BFSP2: variants seen among roughly 807,000 people sequenced by gnomAD.
BFSP2 encodes the protein beaded filament structural protein 2, also known as phakinin.
A neutral mutation model predicts 44.9 loss-of-function variants in BFSP2; 38 were observed. That is an observed-to-expected ratio of 0.85 (90% CI 0.65 to 1.11). BFSP2 has a LOEUF of 1.11. Ranked by LOEUF, BFSP2 falls within the 50% of genes least tolerant of loss-of-function variation. The pLI, the probability that BFSP2 is intolerant of heterozygous loss-of-function variation, is 0.00. For synonymous variants in BFSP2, 197 were observed against 209.9 expected (o/e 0.94, Z 0.53); for missense variants, 525 against 533.0 (o/e 0.99, Z 0.15).
Position 133,448,628 on chromosome 3 carries a change from T to A in BFSP2, c.712T>A (p.Ser238Thr), listed in dbSNP as rs747906000. ...ESLKEELGSL[S>T]RNYEEDVKLL... Reference sequence around the variant, plus strand: ...TCTGAAAGAAGAACTTGGCTCTCTATCAAGAAACTATGAAGAGGTAGGAGG... The same window carrying A: ...TCTGAAAGAAGAACTTGGCTCTCTAACAAGAAACTATGAAGAGGTAGGAGG... The change falls in exon 3 of 7, where the codon TCA (serine) becomes ACA (threonine). Residue 238 changes from serine to threonine, a missense_variant. Physicochemically the swap from Ser to Thr is moderately conservative, Grantham distance 58 (BLOSUM62 1). Coordinates refer to ENST00000302334, the MANE Select transcript of BFSP2 (RefSeq NM_003571.4). The A allele has an allele frequency of 6.2e-7, 1 of 1,613,536 alleles. No homozygotes were observed. The highest frequency in any genetic ancestry group is 2.2e-5 in the East Asian group (1 of 44,870).
chr3:133,437,336 C>T (rs889287467), intron 1 of BFSP2, among the ~76,000 whole-genome samples: 5 of 152,094 alleles, frequency 3.3e-5, no homozygotes, highest in African/African-American at 7.2e-5. Flanking sequence ...CCAGCCTGAC[C>T]GACATGGAGA....
chr3:133,423,458 T>G (rs1021107536), intron 1 of BFSP2, among the ~76,000 whole-genome samples: 2 of 151,172 alleles, frequency 1.3e-5, no homozygotes, highest in East Asian at 3.9e-4. Context: ...TCATTTATAG[T>G]ACTTAAAACA....
At chr3:133,417,521 G>A (rs1180990244) in intron 1 of BFSP2, among the ~76,000 whole-genome samples, 8 of 11,992 alleles carry the variant, frequency 6.7e-4, no homozygotes, top group Admixed American at 2.7e-3. Context: ...CCCTTCCCTC[G>A]CTCCCATCTC....
chr3:133,446,612 ATATATATATATATATATATATATATAT>A (rs2073902517), intron 1 of BFSP2, among the ~76,000 whole-genome samples: 2 of 47,646 alleles, frequency 4.2e-5, no homozygotes, highest in African/African-American at 2.1e-4. Flanking sequence ...ATATATATAT[ATATATATATATATATATATATATATAT>A]AAAGGAGTTT....
At chr3:133,426,456 C>T (rs2073655272) in intron 1 of BFSP2, among the ~76,000 whole-genome samples, 1 of 152,184 alleles carries the variant, frequency 6.6e-6, no homozygotes, top group African/African-American at 2.4e-5. Flanking sequence ...AAGAAAGCTC[C>T]CTTATCCCTT....
intron 1 of BFSP2, among the ~76,000 whole-genome samples, chr3:133,429,054 G>T (rs2107902447): frequency 6.6e-6 from 1 of 152,066 alleles, no homozygotes; most frequent in South Asian, 2.1e-4. Context: ...TGAAATCAAA[G>T]ATTTTAGATA....
Position 133,456,691 on chromosome 3 carries a change from C to A in BFSP2, c.891+6227C>A, listed in dbSNP as rs556730581. ...ACCTGAGCCTAGGAGGTCGAGGTTG[C>A]AGTGAGCTCTGATCGCACCACTGCA... On this transcript the variant is annotated intron_variant, in intron 4 of 6. Transcript: ENST00000302334. Among the ~76,000 whole-genome samples the A allele has an allele frequency of 7.9e-5, 12 of 152,302 alleles. No individual in the cohort carries two copies. The East Asian group carries it at 2.1e-3, about 27-fold the overall frequency.
intron 1 of BFSP2, among the ~76,000 whole-genome samples, chr3:133,425,779 GA>G (rs1406394757): frequency 8.0e-4 from 27 of 33,598 alleles, no homozygotes; most frequent in African/African-American, 4.5e-3. Context: ...AAGGGAAAGG[GA>G]AAGGGAAGGG....
At chr3:133,432,713 T>C (rs985403598) in intron 1 of BFSP2, among the ~76,000 whole-genome samples, 2 of 152,180 alleles carry the variant, frequency 1.3e-5, no homozygotes, top group Admixed American at 1.3e-4. Context: ...GTTACCTACC[T>C]CGGCATAATT....
chr3:133,442,518 GC>G (rs1300914374), intron 1 of BFSP2, among the ~76,000 whole-genome samples: 5 of 152,156 alleles, frequency 3.3e-5, no homozygotes, highest in Non-Finnish European at 7.3e-5. Context: ...AGTTTAAAAA[GC>G]CCACTCTGGA....
intron 1 of BFSP2, among the ~76,000 whole-genome samples, chr3:133,421,511 A>G (rs1038523618): frequency 1.3e-5 from 2 of 151,878 alleles, no homozygotes; most frequent in Admixed American, 6.5e-5. Flanking sequence ...TCCTCTTTTC[A>G]TAAGGATGCC....
At chr3:133,424,234 T>TGTGTGTGTGTGTGTGTGTGTGTG (rs2073623034) in intron 1 of BFSP2, among the ~76,000 whole-genome samples, 1 of 145,268 alleles carries the variant, frequency 6.9e-6, no homozygotes, top group Non-Finnish European at 1.5e-5. Flanking sequence ...TTTTTTTTTT[T>TGTGTGTGTGTGTGTGTGTGTGTG]TTTTTTTGTA....
At chr3:133,426,817 C>T (rs2073658142) in intron 1 of BFSP2, among the ~76,000 whole-genome samples, 1 of 152,212 alleles carries the variant, frequency 6.6e-6, no homozygotes, top group Non-Finnish European at 1.5e-5. Flanking sequence ...CCCTGACACC[C>T]TACGTGATAT....
At chr3:133,432,955 C>A (rs113802485) in intron 1 of BFSP2, among the ~76,000 whole-genome samples, 2 of 152,154 alleles carry the variant, frequency 1.3e-5, no homozygotes, top group South Asian at 2.1e-4. Flanking sequence ...TGCTTTAATA[C>A]TTTTAGAGGC....
At position 133,447,376 on chromosome 3, in the gene BFSP2, C is replaced by A. The variant is rs775010322; in HGVS notation, c.549C>A (p.Ala183=). The A allele has an allele frequency of 3.1e-6, 5 of 1,613,918 alleles. No individual in the cohort carries two copies. The South Asian group carries it at 4.4e-5, about 14-fold the overall frequency. Residue 183 remains alanine (A), a synonymous_variant, in exon 2 of 7, where the codon GCC becomes GCA. Coordinates refer to ENST00000302334, the MANE Select transcript of BFSP2 (RefSeq NM_003571.4). The stretch of plus-strand genomic sequence containing the variant: ...TGCTGCAGACAGAAACTATCCAGGC[C>A]GGAGCAGATGACTTTAAAGAGAGGT... The part of the protein sequence containing the change: ...RLMLQTETIQ[A]GADDFKERYE...
chr3:133,431,607 G>T (rs551395338), intron 1 of BFSP2, among the ~76,000 whole-genome samples: 6 of 152,160 alleles, frequency 3.9e-5, no homozygotes, highest in African/African-American at 7.2e-5. Context: ...GATGCTGCCC[G>T]ATCGCCTCAG....
intron 1 of BFSP2, among the ~76,000 whole-genome samples, chr3:133,430,868 C>A (rs1308670401): frequency 2.0e-5 from 3 of 152,042 alleles, no homozygotes; most frequent in Non-Finnish European, 4.4e-5. Context: ...CACCCTGGTC[C>A]GCTCCTTTTA....
At position 133,453,788 on chromosome 3, in the gene BFSP2, C is replaced by T. The variant is rs115145463; in HGVS notation, c.891+3324C>T. On this transcript the variant is annotated intron_variant, in intron 4 of 6. Coordinates refer to ENST00000302334, the MANE Select transcript of BFSP2 (RefSeq NM_003571.4). ...GCCTAAGGGATAAAGGTGGTACCAT[C>T]AGCATCTGCTAGAACTTATCTGCCA... Among the ~76,000 whole-genome samples the T allele has an allele frequency of 6.7e-3, 1,021 of 152,304 alleles. 13 individuals are homozygous for T. The highest frequency in any genetic ancestry group is 0.023 in the African/African-American group (960 of 41,564).
intron 1 of BFSP2, among the ~76,000 whole-genome samples, chr3:133,425,610 C>A (rs1267206224): frequency 6.6e-6 from 1 of 152,040 alleles, no homozygotes; most frequent in Non-Finnish European, 1.5e-5. Flanking sequence ...TATTATTCAA[C>A]ATATCAACCC....
Sources: gnomAD v4.1 joint callset for allele counts (sites outside exome capture counted in the v4.1 genomes callset) on GRCh38, gnomAD v4.1.1 for gene constraint, MANE v1.5 for transcripts, NCBI Gene and HGNC (gene_info 2026-07-23, HGNC 2026-07-21) for gene names.